Variants in GABPB2 observed in about 807,000 individuals in gnomAD.
The protein encoded by GABPB2 is GA-binding protein subunit beta-2.
GABPB2 carries 23 observed loss-of-function variants against 39.1 expected under a neutral mutation model. The observed-to-expected ratio is 0.59, with a 90% CI of 0.42 to 0.83. GABPB2 has a LOEUF of 0.83. Among genes scored for constraint, GABPB2 ranks in the 40% least tolerant of loss-of-function variants. The pLI is 0.00. For synonymous variants in GABPB2, 184 were observed against 199.3 expected (o/e 0.92, Z 0.65); for missense variants, 467 against 541.1 (o/e 0.86, Z 1.36).
intron 1 of GABPB2, among the ~76,000 whole-genome samples, chr1:151,071,916 A>G (rs1676759469): frequency 6.6e-6 from 1 of 152,238 alleles, no homozygotes; most frequent in East Asian, 1.9e-4. Context: ...GCCAGAGGTC[A>G]TCCCATTCCT....
chr1:151,100,444 A>AT (rs1212260885), intron 5 of GABPB2, among the ~76,000 whole-genome samples: 1 of 150,546 alleles, frequency 6.6e-6, no homozygotes, highest in African/African-American at 2.4e-5. Context: ...CACCCAGCTA[A>AT]TTTTTTTGTA....
intron 5 of GABPB2, among the ~76,000 whole-genome samples, chr1:151,098,906 G>T (rs1679307954): frequency 6.6e-6 from 1 of 152,046 alleles, no homozygotes; most frequent in East Asian, 1.9e-4. Flanking sequence ...CAACATGGTG[G>T]AACCCCATCT....
At chr1:151,089,422 A>C (rs587740132) in intron 2 of GABPB2, among the ~76,000 whole-genome samples, 1 of 152,324 alleles carries the variant, frequency 6.6e-6, no homozygotes, top group South Asian at 2.1e-4. Flanking sequence ...GCTCTGGCCA[A>C]AGTGGATGCT....
At chr1:151,086,034 C>G (rs1271019359) in intron 1 of GABPB2, among the ~76,000 whole-genome samples, 4 of 152,076 alleles carry the variant, frequency 2.6e-5, no homozygotes, top group East Asian at 1.9e-4. Context: ...TGCTTGAGCC[C>G]AGGAGTTTGA....
chr1:151,098,952 T>C (rs2101522814), intron 5 of GABPB2, among the ~76,000 whole-genome samples: 1 of 151,758 alleles, frequency 6.6e-6, no homozygotes, highest in East Asian at 2.0e-4. Flanking sequence ...GCTGTGGTGG[T>C]GGGTGCCTGT....
intron 1 of GABPB2, among the ~76,000 whole-genome samples, chr1:151,074,223 C>T (rs1184891654): frequency 2.6e-5 from 4 of 151,644 alleles, no homozygotes; most frequent in African/African-American, 9.7e-5. Flanking sequence ...GATTCTCCCG[C>T]CTCAGCCTCC....
rs1217727121 is a variant in GABPB2 at position 151,097,927 on chromosome 1, C to G, written c.547C>G (p.Pro183Ala). The G allele has an allele frequency of 6.2e-7, 1 of 1,614,040 alleles. No individual in the cohort carries two copies. The highest frequency in any genetic ancestry group is 8.5e-7 in the Non-Finnish European group (1 of 1,179,930). Residue 183 changes from proline (P) to alanine (A), a missense_variant, in exon 5 of 9, where the codon CCA (proline) becomes GCA (alanine). By Grantham distance (27) the Pro-to-Ala change is conservative. Coordinates refer to ENST00000368918, the MANE Select transcript of GABPB2 (RefSeq NM_144618.3). ...PVTDPVSMAA[P>A]FIFTSGEVVN... ...GACTGACCCTGTGAGTATGGCTGCT[C>G]CATTCATCTTCACGTCGGGTGAGGT...
At chr1:151,102,180 G>A (rs587710379) in intron 5 of GABPB2, among the ~76,000 whole-genome samples, 1 of 152,202 alleles carries the variant, frequency 6.6e-6, no homozygotes, top group African/African-American at 2.4e-5. Flanking sequence ...AATTAGCTGG[G>A]CGTGGTGGTG....
chr1:151,093,461 A>G, intron 4 of GABPB2, 75 bp downstream of exon 4: 1 of 1,189,438 alleles, frequency 8.4e-7, no homozygotes, highest in South Asian at 1.6e-5. Flanking sequence ...CTGAATCAAA[A>G]CTGAATTTTC....
intron 6 of GABPB2, among the ~76,000 whole-genome samples, chr1:151,105,043 A>T: frequency 6.6e-6 from 1 of 151,858 alleles, no homozygotes; most frequent in East Asian, 1.9e-4. Context: ...AGTAGCTGGG[A>T]TTACAGGCGC....
chr1:151,082,222 A>C (rs1205175582), intron 1 of GABPB2, among the ~76,000 whole-genome samples: 1 of 150,312 alleles, frequency 6.7e-6, no homozygotes, highest in Non-Finnish European at 1.5e-5. Context: ...GACTACAGGC[A>C]CATGCCACCA....
chr1:151,100,665 C>T (rs149152727), intron 5 of GABPB2, among the ~76,000 whole-genome samples: 4,382 of 135,666 alleles, frequency 0.032, 119 homozygotes, highest in African/African-American at 0.078. Context: ...CTTGGCTCAC[C>T]GCAAACTCTG....
At chr1:151,089,581 A>C (rs943919371) in intron 2 of GABPB2, among the ~76,000 whole-genome samples, 2 of 152,276 alleles carry the variant, frequency 1.3e-5, no homozygotes, top group African/African-American at 4.8e-5. Context: ...CAGTCAGTCA[A>C]ATTTGTACCT....
intron 1 of GABPB2, among the ~76,000 whole-genome samples, chr1:151,074,976 A>G (rs1677041533): frequency 2.0e-5 from 3 of 152,036 alleles, no homozygotes; most frequent in South Asian, 2.1e-4. Context: ...CCCTGTCTCT[A>G]CTAAAAATAC....
chr1:151,083,708 C>G (rs1677916596), intron 1 of GABPB2, among the ~76,000 whole-genome samples: 1 of 150,672 alleles, frequency 6.6e-6, no homozygotes, highest in South Asian at 2.1e-4. Context: ...GAAGTGGCAG[C>G]TCACTTTGTT....
At chr1:151,082,629 T>A (rs1181079869) in intron 1 of GABPB2, among the ~76,000 whole-genome samples, 2 of 151,232 alleles carry the variant, frequency 1.3e-5, no homozygotes, top group Non-Finnish European at 2.9e-5. Context: ...CAGGATGGTC[T>A]CAATCTCCTG....
In GABPB2 at chr1:151,075,732, C is replaced by A. The variant is rs201200402; in HGVS notation, c.-1+4798C>A. The stretch of plus-strand genomic sequence containing the variant: ...TCAAAAAAACCCCCCCCAAAAAAAC[C>A]CAAAAAAACACAAAACAAAACAAAA... On this transcript the variant is annotated intron_variant, in intron 1 of 8. Coordinates refer to ENST00000368918, the MANE Select transcript of GABPB2 (RefSeq NM_144618.3). Among the ~76,000 whole-genome samples, 208 of 151,664 alleles carry A rather than the reference C, an allele frequency of 1.4e-3. 1 individual carries two copies. Among genetic ancestry groups the A allele is most frequent in the African/African-American group, 4.8e-3 (200 of 41,336 alleles).
intron 1 of GABPB2, among the ~76,000 whole-genome samples, chr1:151,084,060 A>T (rs587635064): frequency 1.0e-4 from 15 of 149,706 alleles, no homozygotes; most frequent in African/African-American, 2.7e-4. Flanking sequence ...TTATATATAT[A>T]AAAAAATATA....
At chr1:151,095,922 A>G (rs72706600) in intron 4 of GABPB2, among the ~76,000 whole-genome samples, 2 of 151,558 alleles carry the variant, frequency 1.3e-5, no homozygotes, top group Non-Finnish European at 2.9e-5. Flanking sequence ...AATCCCAGCT[A>G]CTTGGGTGAT....
Sources: allele counts gnomAD v4.1 joint callset (sites outside exome capture counted in the v4.1 genomes callset), GRCh38; gene constraint gnomAD v4.1.1; transcripts MANE v1.5; gene names NCBI Gene and HGNC (gene_info 2026-07-23, HGNC 2026-07-21).